The following SPECC1 variants were observed in gnomAD, a reference collection of about 807,000 sequenced individuals.
SPECC1 encodes the protein cytospin-B.
In SPECC1, 62 loss-of-function variants were observed where a neutral mutation model predicts 104.1. The ratio of observed to expected loss-of-function variants is 0.60; its 90% CI spans 0.49 to 0.74. The LOEUF is 0.74. Ranked by LOEUF, SPECC1 falls within the 30% of genes least tolerant of loss-of-function variation. SPECC1 has a pLI of 0.00. For synonymous variants in SPECC1, 513 were observed against 501.6 expected (o/e 1.02, Z -0.30); for missense variants, 1,306 against 1,310.5 (o/e 1.00, Z 0.05).
intron 3 of SPECC1, chr17:20,155,947 G>C (rs1005770736): frequency 8.8e-6 from 11 of 1,244,408 alleles, no homozygotes; most frequent in African/African-American, 1.6e-5. Flanking sequence ...GAGGTGGTCC[G>C]GCAGGATGCA....
At chr17:20,115,091 T>A (rs2152528792) in intron 3 of SPECC1, among the ~76,000 whole-genome samples, 1 of 152,208 alleles carries the variant, frequency 6.6e-6, no homozygotes, top group Non-Finnish European at 1.5e-5. Flanking sequence ...AACTGCAGAT[T>A]TTAGATCTAA....
intron 3 of SPECC1, among the ~76,000 whole-genome samples, chr17:20,159,069 C>G (rs535416715): frequency 1.3e-5 from 2 of 151,806 alleles, no homozygotes; most frequent in African/African-American, 2.4e-5. Flanking sequence ...GCGATCCTCC[C>G]GAGTAGCTGA....
intron 3 of SPECC1, among the ~76,000 whole-genome samples, chr17:20,127,437 CTTTTTTTTTTT>C (rs369424296): frequency 9.6e-6 from 1 of 104,488 alleles, no homozygotes; most frequent in Non-Finnish European, 1.9e-5. Context: ...ATCAGGTCAT[CTTTTTTTTTTT>C]TTTTTTTTTT....
intron 7 of SPECC1, among the ~76,000 whole-genome samples, chr17:20,234,671 A>G (rs1598051542): frequency 6.6e-6 from 1 of 152,348 alleles, no homozygotes; most frequent in East Asian, 1.9e-4. Context: ...GAGGTCCTCA[A>G]GGACAACTGA....
chr17:20,030,656 T>C (rs2044772245), intron 1 of SPECC1, among the ~76,000 whole-genome samples: 1 of 152,202 alleles, frequency 6.6e-6, no homozygotes. Context: ...GTTAGTGTCA[T>C]AGTTACAGAA....
At chr17:20,273,755 C>G (rs999633877) in intron 12 of SPECC1, among the ~76,000 whole-genome samples, 2 of 152,206 alleles carry the variant, frequency 1.3e-5, no homozygotes, top group Non-Finnish European at 2.9e-5. Flanking sequence ...TGGGTCTTTG[C>G]CCTTCGCCAC....
intron 3 of SPECC1, among the ~76,000 whole-genome samples, chr17:20,194,502 A>ATTATTATTATTTTTTTTTTTTTTTTTT: frequency 2.3e-5 from 2 of 86,566 alleles, no homozygotes; most frequent in African/African-American, 1.1e-4. Context: ...AAGAGAACGA[A>ATTATTATTATTTTTTTTTTTTTTTTTT]TTTTTTTTTT....
At chr17:20,280,474 G>A (rs77161723) in intron 12 of SPECC1, among the ~76,000 whole-genome samples, 1,710 of 152,298 alleles carry the variant, frequency 0.011, 23 homozygotes, top group African/African-American at 0.038. Flanking sequence ...TCCAGATGTC[G>A]TGAAGGACCT....
intron 7 of SPECC1, chr17:20,236,751 T>G (rs564879226): frequency 6.8e-7 from 1 of 1,467,610 alleles, no homozygotes; most frequent in African/African-American, 1.4e-5. Context: ...GGACATTAGC[T>G]TTTCCCTGTG....
At chr17:20,011,569 A>G (rs916124004) in intron 1 of SPECC1, among the ~76,000 whole-genome samples, 4 of 151,794 alleles carry the variant, frequency 2.6e-5, no homozygotes, top group African/African-American at 9.7e-5. Flanking sequence ...CTTTCAAAGA[A>G]CCAGCTTTTA....
At chr17:20,083,415 A>G (rs1273634949) in intron 1 of SPECC1, among the ~76,000 whole-genome samples, 1 of 152,244 alleles carries the variant, frequency 6.6e-6, no homozygotes, top group East Asian at 1.9e-4. Context: ...GAGATGGCAG[A>G]TAAGACTACA....
At chr17:20,190,397 G>A (rs1567919495) in intron 3 of SPECC1, among the ~76,000 whole-genome samples, 2 of 151,980 alleles carry the variant, frequency 1.3e-5, no homozygotes, top group Non-Finnish European at 2.9e-5. Flanking sequence ...CAAGACTGCT[G>A]CTGCCCTGCT....
intron 4 of SPECC1, among the ~76,000 whole-genome samples, chr17:20,209,587 ATTTC>A (rs375611032): frequency 3.5e-4 from 53 of 151,090 alleles, no homozygotes; most frequent in African/African-American, 1.2e-3. Flanking sequence ...TGGTTTGCTG[ATTTC>A]TTTATTTTTT....
chr17:20,096,739 TC>T lies in SPECC1; in HGVS notation c.90del (p.Gly31AlafsTer2). The stretch of plus-strand genomic sequence containing the variant: ...GGTGCGGCCTCTGCCTGCAGCCTCT[TC>T]CGGCATGAAGAGTTCTAAGTCTTCA... ...DRVRPLPAAS[S>X]GMKSSKSSTS... On this transcript the variant is annotated frameshift_variant, in exon 2 of 15. Transcript: ENST00000395527. LOFTEE classifies it high-confidence loss of function. 1.9e-6 allele frequency: 3 copies of T among 1,614,222 alleles called. No individual in the cohort carries two copies. Among genetic ancestry groups the T allele is most frequent in the Non-Finnish European group, 2.5e-6 (3 of 1,180,040 alleles).
At chr17:20,097,139 TGTA>T (rs1029824239) in intron 2 of SPECC1, among the ~76,000 whole-genome samples, 1 of 152,122 alleles carries the variant, frequency 6.6e-6, no homozygotes, top group African/African-American at 2.4e-5. Flanking sequence ...ACAATCCAGT[TGTA>T]GTTCTTCAAG....
intron 13 of SPECC1, among the ~76,000 whole-genome samples, chr17:20,299,555 CAAAAAAAAAAAAAAA>C (rs57493380): frequency 5.0e-5 from 2 of 40,368 alleles, no homozygotes; most frequent in African/African-American, 1.6e-4. Flanking sequence ...GACCCTGTCT[CAAAAAAAAAAAAAAA>C]AAAAAAAAAG....
intron 1 of SPECC1, among the ~76,000 whole-genome samples, chr17:20,019,506 G>A (rs1236252553): frequency 6.6e-6 from 1 of 152,134 alleles, no homozygotes; most frequent in East Asian, 1.9e-4. Flanking sequence ...TTGAGAGGGT[G>A]TCAGTGAGAG....
intron 13 of SPECC1, 73 bp downstream of exon 13, chr17:20,297,150 G>A: frequency 1.5e-6 from 2 of 1,337,874 alleles, no homozygotes; most frequent in Non-Finnish European, 2.1e-6. Context: ...CCCCACTGTG[G>A]GAGGGGGCTT....
chr17:20,303,767 A>G (rs2041668550), intron 13 of SPECC1, among the ~76,000 whole-genome samples: 1 of 152,054 alleles, frequency 6.6e-6, no homozygotes, highest in Non-Finnish European at 1.5e-5. Context: ...AGCCTGGCCA[A>G]TGTGGTGAAA....
Sources: gnomAD v4.1 joint callset for allele counts (sites outside exome capture counted in the v4.1 genomes callset) on GRCh38, gnomAD v4.1.1 for gene constraint, MANE v1.5 for transcripts, NCBI Gene and HGNC (gene_info 2026-07-23, HGNC 2026-07-21) for gene names.